ELP3: variants seen among roughly 807,000 people sequenced by gnomAD.
ELP3 encodes the protein elongator acetyltransferase complex subunit 3, also known as elongator complex protein 3.
In ELP3, 56 loss-of-function variants were observed where a neutral mutation model predicts 74.9. The observed-to-expected ratio is 0.75, with a 90% confidence interval of 0.60 to 0.93. The LOEUF (loss-of-function observed/expected upper bound fraction) is 0.93. Among genes scored for constraint, ELP3 ranks in the 40% least tolerant of loss-of-function variants. ELP3 has a pLI of 0.00. For synonymous variants in ELP3, 222 were observed against 239.8 expected, an observed-to-expected ratio of 0.93 and a Z score of 0.68; for missense variants, 573 against 686.5, an observed-to-expected ratio of 0.83 and a Z score of 1.85.
At chr8:28,101,985 G>A (rs1236470222) in intron 3 of ELP3, among the ~76,000 whole-genome samples, 1 of 152,294 alleles carries the variant, frequency 6.6e-6, no homozygotes, top group South Asian at 2.1e-4. Context: ...AGGCTTCTGT[G>A]ATACCACCCT....
intron 14 of ELP3, among the ~76,000 whole-genome samples, chr8:28,170,802 AG>A (rs1814493119): frequency 6.6e-6 from 1 of 152,196 alleles, no homozygotes; most frequent in Non-Finnish European, 1.5e-5. Context: ...TTACATTTAC[AG>A]TGTTGTACGA....
chr8:28,171,335 C>G (rs1295420798), intron 14 of ELP3, among the ~76,000 whole-genome samples: 1 of 139,152 alleles, frequency 7.2e-6, no homozygotes, highest in East Asian at 2.4e-4. Context: ...ACATCTTTGC[C>G]AACACTTGAG....
At chr8:28,137,665 A>G in intron 9 of ELP3, 33 bp from the exon 10 acceptor site, 1 of 1,602,316 alleles carries the variant, frequency 6.2e-7, no homozygotes, top group East Asian at 2.2e-5. Flanking sequence ...TGCATAACTA[A>G]TGGAGAAGTC....
At chr8:28,118,259 A>G (rs1208892473) in intron 7 of ELP3, among the ~76,000 whole-genome samples, 1 of 152,144 alleles carries the variant, frequency 6.6e-6, no homozygotes, top group Admixed American at 6.5e-5. Context: ...GTCAAGTTTT[A>G]CTGCTGTGTT....
intron 14 of ELP3, among the ~76,000 whole-genome samples, chr8:28,181,681 A>T (rs1220980680): frequency 6.6e-6 from 1 of 152,174 alleles, no homozygotes; most frequent in African/African-American, 2.4e-5. Flanking sequence ...GAGTCAGGGG[A>T]GTTGAGTGGG....
intron 7 of ELP3, among the ~76,000 whole-genome samples, chr8:28,119,807 A>G (rs1249393001): frequency 2.0e-5 from 3 of 151,550 alleles, no homozygotes; most frequent in African/African-American, 4.8e-5. Flanking sequence ...TTTTTTCCCC[A>G]TCACAAATTA....
chr8:28,172,971 A>C (rs1256441119), intron 14 of ELP3, among the ~76,000 whole-genome samples: 1 of 152,032 alleles, frequency 6.6e-6, no homozygotes, highest in Non-Finnish European at 1.5e-5. Flanking sequence ...CTTGCATTCC[A>C]GGGATAAATC....
At chr8:28,141,374 C>T (rs1298451006) in intron 10 of ELP3, among the ~76,000 whole-genome samples, 1 of 152,168 alleles carries the variant, frequency 6.6e-6, no homozygotes, top group African/African-American at 2.4e-5. Flanking sequence ...ACATAACTGG[C>T]CCGTAATCTT....
intron 10 of ELP3, among the ~76,000 whole-genome samples, chr8:28,151,017 T>C (rs1813622823): frequency 6.6e-6 from 1 of 152,178 alleles, no homozygotes; most frequent in Admixed American, 6.5e-5. Flanking sequence ...TCAAGTGATC[T>C]TCCTGCCTCG....
At chr8:28,100,071 G>A (rs1388084465) in intron 3 of ELP3, 105 bp downstream of exon 3, 21 of 1,431,268 alleles carry the variant, frequency 1.5e-5, no homozygotes, top group Non-Finnish European at 1.9e-5. Context: ...TGGGGATTCT[G>A]AACTAATGAA....
At chr8:28,097,161 T>C in intron 1 of ELP3, 58 bp from the exon 2 acceptor site, 1 of 1,236,910 alleles carries the variant, frequency 8.1e-7, no homozygotes, top group Non-Finnish European at 1.2e-6. Context: ...CTAAATCAGA[T>C]TTTAAAATCT....
intron 9 of ELP3, among the ~76,000 whole-genome samples, chr8:28,135,216 C>T (rs1420444884): frequency 2.0e-5 from 3 of 152,256 alleles, no homozygotes; most frequent in African/African-American, 7.2e-5. Flanking sequence ...GCGTGAGCCA[C>T]TGCGCCTGGC....
At chr8:28,187,015 T>G (rs1815266414) in intron 14 of ELP3, among the ~76,000 whole-genome samples, 1 of 152,144 alleles carries the variant, frequency 6.6e-6, no homozygotes, top group Non-Finnish European at 1.5e-5. Context: ...GCAGCCTGAC[T>G]GGAGCCCCAC....
At chr8:28,167,327 A>C (rs112081153) in intron 14 of ELP3, among the ~76,000 whole-genome samples, 1,547 of 152,300 alleles carry the variant, frequency 0.01, 27 homozygotes, top group African/African-American at 0.035. Flanking sequence ...TGTTTGCCAG[A>C]ACCACTGATT....
chr8:28,106,183 C>T (rs941683143), intron 3 of ELP3, among the ~76,000 whole-genome samples: 3 of 152,136 alleles, frequency 2.0e-5, no homozygotes, highest in South Asian at 2.1e-4. Flanking sequence ...ATATTACATA[C>T]GGACAATTTA....
intron 10 of ELP3, among the ~76,000 whole-genome samples, chr8:28,151,168 T>G (rs1813629025): frequency 6.6e-6 from 1 of 152,250 alleles, no homozygotes; most frequent in African/African-American, 2.4e-5. Flanking sequence ...TTTTCAGAGT[T>G]TCTCTTGATA....
intron 6 of ELP3, 33 bp downstream of exon 6, chr8:28,110,471 T>C (rs1811874368): frequency 2.0e-6 from 3 of 1,530,300 alleles, no homozygotes; most frequent in Non-Finnish European, 2.7e-6. Flanking sequence ...TCTTAAAAAT[T>C]AGGTGTTTAT....
chr8:28,098,548 T>C (rs1426341440), intron 2 of ELP3, among the ~76,000 whole-genome samples: 1 of 152,220 alleles, frequency 6.6e-6, no homozygotes, highest in East Asian at 1.9e-4. Context: ...CTACATCTTA[T>C]ATATATTTGT....
In ELP3 at chr8:28,189,750, C is replaced by G; in HGVS notation, c.*25C>G. 1 of 1,604,132 alleles carries G rather than the reference C, an allele frequency of 6.2e-7. No homozygotes were observed. The highest frequency in any genetic ancestry group is 2.2e-5 in the East Asian group (1 of 44,822). ...ATGGCCACACCAGTCCACTCTTCTG[C>G]AGTATCCTCCCTGGCAGAACACGGA... is the stretch of plus-strand genomic sequence containing the variant. On this transcript the variant is annotated 3_prime_UTR_variant, in exon 15 of 15. Coordinates refer to ENST00000256398, the MANE Select transcript of ELP3 (RefSeq NM_018091.6).
Sources: allele counts gnomAD v4.1 joint callset (sites outside exome capture counted in the v4.1 genomes callset), GRCh38; gene constraint gnomAD v4.1.1; transcripts MANE v1.5; gene names NCBI Gene and HGNC (gene_info 2026-07-23, HGNC 2026-07-21).